EFHC2: variants seen among roughly 807,000 people sequenced by gnomAD.
The protein encoded by EFHC2 is EF-hand domain-containing family member C2.
EFHC2 carries 18 observed loss-of-function variants against 52.7 expected under a neutral mutation model. That is an observed-to-expected ratio of 0.34 (90% CI 0.24 to 0.51). The LOEUF is 0.51. Ranked by LOEUF, EFHC2 falls within the 20% of genes least tolerant of loss-of-function variation. The pLI is 0.97. For missense variants in EFHC2, 513 were observed against 562.5 expected (o/e 0.91, Z 0.89); for synonymous variants, 203 against 204.1 (o/e 0.99, Z 0.04).
chrX:44,280,419 A>G, intron 2 of EFHC2, among the ~76,000 whole-genome samples: 1 of 112,293 alleles, frequency 8.9e-6, no homozygotes, highest in Non-Finnish European at 1.9e-5. Flanking sequence ...TTAAAACAAC[A>G]GCCTAAATAT....
chrX:44,191,501 T>C (rs770265007), intron 11 of EFHC2, among the ~76,000 whole-genome samples: 9 of 112,140 alleles, frequency 8.0e-5, no homozygotes, highest in African/African-American at 2.3e-4. Context: ...CCTCCCAACA[T>C]GCTGGGATTA....
At chrX:44,176,045 C>T (rs964166106) in intron 13 of EFHC2, among the ~76,000 whole-genome samples, 3 of 112,338 alleles carry the variant, frequency 2.7e-5, no homozygotes, top group Admixed American at 9.4e-5. Flanking sequence ...TCCCAGGAAT[C>T]TGTGGATCTA....
chrX:44,309,266 T>A (rs1316039431), intron 2 of EFHC2: 1 of 529,545 alleles, frequency 1.9e-6, no homozygotes. Context: ...TGATTTTTTT[T>A]ATGAGATGGA....
chrX:44,233,351 C>T (rs2037294197), intron 9 of EFHC2, among the ~76,000 whole-genome samples: 1 of 112,005 alleles, frequency 8.9e-6, no homozygotes. Context: ...GTCTTTTTTT[C>T]CTACAGGTAA....
intron 3 of EFHC2, among the ~76,000 whole-genome samples, chrX:44,268,326 G>C (rs1212407132): frequency 9.0e-6 from 1 of 111,350 alleles, no homozygotes; most frequent in Non-Finnish European, 1.9e-5. Context: ...TCAAGAGTCT[G>C]AAAGAATTGA....
At chrX:44,242,369 TTCAAGATG>T in intron 7 of EFHC2, 80 bp from the exon 8 acceptor site, 1 of 1,037,234 alleles carries the variant, frequency 9.6e-7, no homozygotes, top group South Asian at 2.2e-5. Flanking sequence ...TTGTTATGTT[TTCAAGATG>T]AACATGGAGA....
At chrX:44,336,586 A>G (rs1211465468) in intron 1 of EFHC2, among the ~76,000 whole-genome samples, 2 of 111,891 alleles carry the variant, frequency 1.8e-5, no homozygotes, top group African/African-American at 3.2e-5. Flanking sequence ...TTCAAAATTT[A>G]CATAAAAGTA....
chrX:44,168,651 C>T (rs902898149), intron 13 of EFHC2, among the ~76,000 whole-genome samples: 1 of 111,684 alleles, frequency 9.0e-6, no homozygotes, highest in African/African-American at 3.3e-5. Context: ...ATGAAAGAAG[C>T]TCCAGTTTGG....
chrX:44,259,117 A>G lies in EFHC2; in HGVS notation c.606+1958T>C, dbSNP rs185752922. 3.2e-3 allele frequency among the ~76,000 whole-genome samples: 361 copies of G among 111,920 alleles called. 3 individuals carry two copies. Among genetic ancestry groups the G allele is most frequent in the African/African-American group, 0.011 (341 of 30,711 alleles). On this transcript the variant is annotated intron_variant, in intron 4 of 14. Transcript: ENST00000420999. The stretch of plus-strand genomic sequence containing the variant: ...ATGCACACGTGTTTATTGCAGCACT[A>G]TTCACAATAGCAAAGACTTGGAACC...
intron 2 of EFHC2, among the ~76,000 whole-genome samples, chrX:44,292,151 T>C (rs1156608045): frequency 9.0e-6 from 1 of 111,640 alleles, no homozygotes; most frequent in Non-Finnish European, 1.9e-5. Flanking sequence ...TTTTTGTGTG[T>C]ATATATATAC....
In EFHC2 at chrX:44,207,844, C is replaced by T. The variant is rs190808842; in HGVS notation, c.1751+21805G>A. Among the ~76,000 whole-genome samples the T allele has an allele frequency of 2.7e-5, 3 of 112,508 alleles. No homozygotes were observed. In the East Asian group the frequency reaches 8.4e-4, roughly 32 times the overall value. The stretch of plus-strand genomic sequence containing the variant: ...TTCGAAAGTGGGCAAAGAACATGAA[C>T]AGACACTTCTCAAAAGCAGACAGAC... On this transcript the variant is annotated intron_variant, in intron 11 of 14. Coordinates refer to ENST00000420999, the MANE Select transcript of EFHC2 (RefSeq NM_025184.4).
chrX:44,225,532 T>C (rs955283734), intron 11 of EFHC2, among the ~76,000 whole-genome samples: 2 of 111,043 alleles, frequency 1.8e-5, no homozygotes, highest in African/African-American at 6.5e-5. Flanking sequence ...ATGCTGAGAG[T>C]GCCAGGTATC....
intron 11 of EFHC2, among the ~76,000 whole-genome samples, chrX:44,227,421 G>A (rs902388756): frequency 3.6e-5 from 4 of 111,105 alleles, no homozygotes; most frequent in Non-Finnish European, 7.5e-5. Context: ...CTCAGCATCC[G>A]GCACCAAGCA....
intron 1 of EFHC2, among the ~76,000 whole-genome samples, chrX:44,338,928 C>T (rs907593265): frequency 9.0e-6 from 1 of 111,710 alleles, no homozygotes; most frequent in African/African-American, 3.3e-5. Flanking sequence ...CGGTGGCTCA[C>T]GCCTGTAATC....
At chrX:44,326,968 A>C (rs2038056593) in intron 1 of EFHC2, among the ~76,000 whole-genome samples, 2 of 110,005 alleles carry the variant, frequency 1.8e-5, no homozygotes, top group Non-Finnish European at 3.8e-5. Context: ...GGCTCAAGCG[A>C]TCTGCCCACC....
intron 2 of EFHC2, among the ~76,000 whole-genome samples, chrX:44,294,752 C>T (rs1156522244): frequency 9.0e-6 from 1 of 111,515 alleles, no homozygotes; most frequent in Non-Finnish European, 1.9e-5. Context: ...AACTGCAAAA[C>T]AGAGTATGGT....
intron 8 of EFHC2, among the ~76,000 whole-genome samples, chrX:44,237,813 C>T (rs911041636): frequency 4.5e-5 from 5 of 111,305 alleles, no homozygotes; most frequent in African/African-American, 1.3e-4. Context: ...TTTTAGTCTC[C>T]TTTGTTGGTT....
At chrX:44,175,731 G>A (rs1352436383) in intron 13 of EFHC2, among the ~76,000 whole-genome samples, 1 of 111,720 alleles carries the variant, frequency 9.0e-6, no homozygotes, top group African/African-American at 3.3e-5. Context: ...AGTGAGTGAT[G>A]CTATAGGAAG....
chrX:44,209,943 A>G lies in EFHC2; in HGVS notation c.1751+19706T>C, dbSNP rs192980528. Among the ~76,000 whole-genome samples the G allele has an allele frequency of 1.4e-3, 154 of 110,339 alleles. 5 individuals carry two copies. The highest frequency in any genetic ancestry group is 0.013 in the Admixed American group (136 of 10,318). On this transcript the variant is annotated intron_variant, in intron 11 of 14. Transcript: ENST00000420999. ...GCCTGATGATTTGTTACTGACTCCC[A>G]TCACTCCCAGATGGGACCCTCTAGT...
Sources: allele counts gnomAD v4.1 joint callset (sites outside exome capture counted in the v4.1 genomes callset), GRCh38; gene constraint gnomAD v4.1.1; transcripts MANE v1.5; gene names NCBI Gene and HGNC (gene_info 2026-07-23, HGNC 2026-07-21).